The following PRKAG2 variants were observed in gnomAD, a reference collection of about 807,000 sequenced individuals.
PRKAG2 encodes protein kinase AMP-activated non-catalytic subunit gamma 2.
In PRKAG2, 26 loss-of-function variants were observed where a neutral mutation model predicts 69.6. That is an observed-to-expected ratio of 0.37 (90% CI 0.27 to 0.52). PRKAG2 has a LOEUF of 0.52. Among genes scored for constraint, PRKAG2 ranks in the 20% least tolerant of loss-of-function variants. The probability of loss-of-function intolerance (pLI) is 0.90; values close to 1 mark genes in which losing one functional copy is unlikely to be tolerated. For synonymous variants in PRKAG2, 293 were observed against 285.0 expected (o/e 1.03, Z -0.28); for missense variants, 557 against 740.0 (o/e 0.75, Z 2.87).
At chr7:151,637,363 C>T (rs563257317) in intron 4 of PRKAG2, among the ~76,000 whole-genome samples, 1 of 152,120 alleles carries the variant, frequency 6.6e-6, no homozygotes, top group Non-Finnish European at 1.5e-5. Flanking sequence ...TAAGCACCAT[C>T]AATTTCACCT....
intron 5 of PRKAG2, among the ~76,000 whole-genome samples, chr7:151,620,859 A>T (rs1821329255): frequency 6.6e-6 from 1 of 152,096 alleles, no homozygotes; most frequent in Admixed American, 6.5e-5. Flanking sequence ...GTTGGTCTCG[A>T]ACTCCTGGGC....
At chr7:151,676,933 A>C (rs2536095) in intron 3 of PRKAG2, among the ~76,000 whole-genome samples, 95,324 of 152,104 alleles carry the variant, frequency 0.63, 30,038 homozygotes, top group South Asian at 0.68. Flanking sequence ...CCAAGGCGCG[A>C]TGGGGATTGC....
intron 5 of PRKAG2, among the ~76,000 whole-genome samples, chr7:151,604,248 C>T (rs1816937368): frequency 6.6e-6 from 1 of 152,208 alleles, no homozygotes; most frequent in South Asian, 2.1e-4. Context: ...GTCCTGCATG[C>T]ACACAGCCTC....
At chr7:151,659,732 A>G (rs1312090556) in intron 4 of PRKAG2, among the ~76,000 whole-genome samples, 4 of 152,256 alleles carry the variant, frequency 2.6e-5, no homozygotes, top group Non-Finnish European at 5.9e-5. Context: ...AGGATCACAC[A>G]TTCTTAAGCT....
At chr7:151,861,362 T>C (rs2079916595) in intron 1 of PRKAG2, among the ~76,000 whole-genome samples, 1 of 151,676 alleles carries the variant, frequency 6.6e-6, no homozygotes, top group African/African-American at 2.4e-5. Context: ...ACTTCATCTC[T>C]ACTAAAAATA....
intron 3 of PRKAG2, among the ~76,000 whole-genome samples, chr7:151,757,840 A>G (rs2075186498): frequency 1.3e-5 from 2 of 152,212 alleles, no homozygotes; most frequent in Admixed American, 1.3e-4. Context: ...AAAATAAAGT[A>G]CCTAGTCAGG....
chr7:151,758,746 TAA>T (rs950467352), intron 3 of PRKAG2, among the ~76,000 whole-genome samples: 7 of 152,194 alleles, frequency 4.6e-5, no homozygotes, highest in Non-Finnish European at 8.8e-5. Context: ...ATGTGATTTT[TAA>T]AGAGACAAGA....
At chr7:151,725,452 T>G (rs183081155) in intron 3 of PRKAG2, among the ~76,000 whole-genome samples, 4 of 151,670 alleles carry the variant, frequency 2.6e-5, no homozygotes, top group African/African-American at 7.3e-5. Context: ...GTTCCGGAGA[T>G]GGATGGCTGG....
chr7:151,814,806 C>T lies in PRKAG2; in HGVS notation c.115-28265G>A, dbSNP rs1454787829. On this transcript the variant is annotated intron_variant, in intron 1 of 15. Coordinates refer to ENST00000287878, the MANE Select transcript of PRKAG2 (RefSeq NM_016203.4). This position sits in a 1 kb window ranked among gnomAD's most constrained non-coding sequence, Gnocchi z 4.8. Reference sequence around the variant, plus strand: ...ATGCAGGCAGAGCTCGGGCAGATTCCCCCATTGACGGGACTGCAGCAAACT... The same window carrying T: ...ATGCAGGCAGAGCTCGGGCAGATTCTCCCATTGACGGGACTGCAGCAAACT... 4.7e-5 allele frequency: 58 copies of T among 1,231,702 alleles called. No individual in the cohort carries two copies. The highest frequency in any genetic ancestry group is 5.5e-5 in the Non-Finnish European group (54 of 988,034). The allele number at this position is 1,231,702 out of a possible 1,614,324, so 76.3% of individuals were successfully genotyped here.
intron 3 of PRKAG2, among the ~76,000 whole-genome samples, chr7:151,762,594 G>A (rs1290918820): frequency 6.6e-6 from 1 of 152,198 alleles, no homozygotes; most frequent in Non-Finnish European, 1.5e-5. Flanking sequence ...ACTATGCCAA[G>A]CATCCTCTGT....
intron 8 of PRKAG2, 137 bp downstream of exon 8, chr7:151,574,754 G>GA: frequency 8.1e-7 from 1 of 1,238,972 alleles, no homozygotes. Flanking sequence ...TATAGATTTG[G>GA]AAAATCACCA....
At chr7:151,585,422 T>C (rs1811421646) in intron 6 of PRKAG2, among the ~76,000 whole-genome samples, 1 of 146,814 alleles carries the variant, frequency 6.8e-6, no homozygotes, top group Admixed American at 6.9e-5. Context: ...TTGGTACCAC[T>C]TGACAGAAAT....
At chr7:151,631,911 A>T in intron 5 of PRKAG2, 158 bp downstream of exon 5, 1 of 731,142 alleles carries the variant, frequency 1.4e-6, no homozygotes, top group Non-Finnish European at 1.9e-6. Context: ...CGGCGCCCGC[A>T]TCCCCGCCCC....
intron 6 of PRKAG2, among the ~76,000 whole-genome samples, chr7:151,584,770 G>A (rs937531868): frequency 1.3e-5 from 2 of 152,198 alleles, no homozygotes; most frequent in South Asian, 2.1e-4. Context: ...GGTGGTGCAC[G>A]CCTGTAGTCT....
chr7:151,781,712 A>T lies in PRKAG2; in HGVS notation c.187-281T>A, dbSNP rs966543846. Among the ~76,000 whole-genome samples the T allele has an allele frequency of 4.6e-5, 7 of 152,096 alleles. No homozygotes were observed. Among genetic ancestry groups the T allele is most frequent in the Admixed American group, 3.9e-4 (6 of 15,262 alleles). ...AAGGGGCTTCCAGGAGGTAGAGGGG[A>T]GGAAGGGAAGCGGAGCTCAAAATGA... On this transcript the variant is annotated intron_variant, in intron 2 of 15. Coordinates refer to ENST00000287878, the MANE Select transcript of PRKAG2 (RefSeq NM_016203.4). The surrounding 1 kb of genome is among the most constrained non-coding windows in gnomAD (Gnocchi z 6.1).
chr7:151,848,882 A>G (rs915961311), intron 1 of PRKAG2, among the ~76,000 whole-genome samples: 12 of 152,190 alleles, frequency 7.9e-5, no homozygotes, highest in African/African-American at 2.9e-4. Flanking sequence ...GATAATAAAT[A>G]ACTTTAAAAA....
In PRKAG2 at chr7:151,777,112, G is replaced by A. The variant is rs2076403780; in HGVS notation, c.466+4040C>T. ...CGGCCCCTGGCTTTAAGGAAAGGGT[G>A]GAGGGGAGTCTGGGAGCTTCCTCCT... On this transcript the variant is annotated intron_variant, in intron 3 of 15. Coordinates refer to ENST00000287878, the MANE Select transcript of PRKAG2 (RefSeq NM_016203.4). The surrounding 1 kb of genome is among the most constrained non-coding windows in gnomAD (Gnocchi z 4.3). Among the ~76,000 whole-genome samples, 1 of 152,190 alleles carries A rather than the reference G, an allele frequency of 6.6e-6. No individual in the cohort carries two copies. Among genetic ancestry groups the A allele is most frequent in the African/African-American group, 2.4e-5 (1 of 41,452 alleles).
At chr7:151,662,280 A>G (rs1054078774) in intron 4 of PRKAG2, among the ~76,000 whole-genome samples, 1 of 152,142 alleles carries the variant, frequency 6.6e-6, no homozygotes, top group Non-Finnish European at 1.5e-5. Flanking sequence ...TTTCTATTTG[A>G]TGTCCCAAAG....
At chr7:151,848,478 A>G (rs1434174565) in intron 1 of PRKAG2, among the ~76,000 whole-genome samples, 1 of 145,616 alleles carries the variant, frequency 6.9e-6, no homozygotes, top group Non-Finnish European at 1.5e-5. Context: ...ATTTTGTTAT[A>G]GCAGTACAAA....
Sources: gnomAD v4.1 joint callset for allele counts (sites outside exome capture counted in the v4.1 genomes callset) on GRCh38, gnomAD v4.1.1 for gene constraint, Gnocchi (gnomAD v3.1) non-coding constraint, MANE v1.5 for transcripts, NCBI Gene and HGNC (gene_info 2026-07-23, HGNC 2026-07-21) for gene names.